The following ZBBX variants were observed in gnomAD, a reference collection of about 807,000 sequenced individuals.
ZBBX encodes zinc finger B-box domain containing, also known as zinc finger B-box domain-containing protein 1.
Under a neutral mutation model 108.5 loss-of-function variants are expected in ZBBX, and 101 were observed. The observed-to-expected ratio is 0.93, with a 90% CI of 0.79 to 1.10. The LOEUF is 1.10. Among genes scored for constraint, ZBBX ranks in the 50% least tolerant of loss-of-function variants. The pLI, the probability that ZBBX is intolerant of heterozygous loss-of-function variation, is 0.00. For missense variants in ZBBX, 1,009 were observed against 941.4 expected, an observed-to-expected ratio of 1.07 and a Z score of -0.94; for synonymous variants, 356 against 323.4, an observed-to-expected ratio of 1.10 and a Z score of -1.08.
chr3:167,318,086 T>G (rs1337796784), intron 12 of ZBBX, among the ~76,000 whole-genome samples: 1 of 151,978 alleles, frequency 6.6e-6, no homozygotes, highest in Non-Finnish European at 1.5e-5. Context: ...GTGGTATCTA[T>G]TACTTAATTA....
At chr3:167,381,609 T>C (rs1577139376), upstream of ZBBX, among the ~76,000 whole-genome samples, 1 of 152,164 alleles carries the variant, frequency 6.6e-6, no homozygotes, top group East Asian at 1.9e-4. Flanking sequence ...GCGATACTAC[T>C]GGTTTTCTTG....
chr3:167,259,133 C>T (rs1383322703), intron 20 of ZBBX, among the ~76,000 whole-genome samples: 3 of 152,038 alleles, frequency 2.0e-5, no homozygotes, highest in African/African-American at 4.8e-5. Flanking sequence ...TTTTAAATTA[C>T]CATTTCAATC....
chr3:167,252,278 G>T, intron 20 of ZBBX: 1 of 991,054 alleles, frequency 1.0e-6, no homozygotes, highest in Non-Finnish European at 1.4e-6. Context: ...ACAGAGATTT[G>T]AACATATTTA....
chr3:167,243,748 C>CTTTTTTTTTTTTT (rs148483655), intron 20 of ZBBX, among the ~76,000 whole-genome samples: 1 of 70,872 alleles, frequency 1.4e-5, no homozygotes, highest in Non-Finnish European at 2.5e-5. Flanking sequence ...GTGGACTTGA[C>CTTTTTTTTTTTTT]TTTTTTTTTT....
chr3:167,265,342 C>T (rs1725277174), intron 20 of ZBBX, among the ~76,000 whole-genome samples: 1 of 152,100 alleles, frequency 6.6e-6, no homozygotes, highest in Admixed American at 6.6e-5. Context: ...GCAGCAGATT[C>T]ACTTTTGGCT....
intron 16 of ZBBX, among the ~76,000 whole-genome samples, chr3:167,307,452 C>G (rs1733845059): frequency 6.6e-6 from 1 of 152,124 alleles, no homozygotes; most frequent in Admixed American, 6.6e-5. Flanking sequence ...TGCAAAATCA[C>G]TAGCATTCTT....
chr3:167,267,430 G>C (rs1036493367), intron 20 of ZBBX, among the ~76,000 whole-genome samples: 1 of 152,136 alleles, frequency 6.6e-6, no homozygotes, highest in African/African-American at 2.4e-5. Context: ...CCCAACATGG[G>C]AAATACCCCA....
chr3:167,183,437 G>T, the ZBBX span, among the ~76,000 whole-genome samples: 1 of 152,194 alleles, frequency 6.6e-6, no homozygotes, highest in African/African-American at 2.4e-5. Context: ...AGACCAGCTC[G>T]ATCAGGGAGA....
chr3:167,338,006 A>G (rs972685088), intron 9 of ZBBX, among the ~76,000 whole-genome samples: 4 of 152,170 alleles, frequency 2.6e-5, no homozygotes, highest in African/African-American at 9.7e-5. Flanking sequence ...AAATGTATAA[A>G]ATTACCTGTG....
intron 18 of ZBBX, among the ~76,000 whole-genome samples, chr3:167,291,252 T>C (rs1382318415): frequency 1.3e-5 from 2 of 151,850 alleles, no homozygotes; most frequent in Non-Finnish European, 2.9e-5. Context: ...TGACACATAA[T>C]CCTCAGATTC....
chr3:167,369,337 C>A (rs1347193262), intron 4 of ZBBX, among the ~76,000 whole-genome samples: 1 of 152,160 alleles, frequency 6.6e-6, no homozygotes, highest in East Asian at 1.9e-4. Flanking sequence ...AGTGTGGGCA[C>A]CCACGCATGC....
At chr3:167,196,901 C>G in the ZBBX span, among the ~76,000 whole-genome samples, 2 of 152,108 alleles carry the variant, frequency 1.3e-5, no homozygotes, top group Non-Finnish European at 2.9e-5. Flanking sequence ...AAAAGAATCC[C>G]TGGTGAAATA....
At chr3:167,313,273 GTGTTT>G (rs1734894798) in intron 16 of ZBBX, among the ~76,000 whole-genome samples, 1 of 151,798 alleles carries the variant, frequency 6.6e-6, no homozygotes, top group African/African-American at 2.4e-5. Flanking sequence ...GCAAGATGAT[GTGTTT>G]TGTTTTGTTT....
chr3:167,252,783 A>G (rs1210781203), intron 20 of ZBBX, among the ~76,000 whole-genome samples: 1 of 152,160 alleles, frequency 6.6e-6, no homozygotes, highest in Non-Finnish European at 1.5e-5. Context: ...AAACTGAAGC[A>G]CATAGGAACA....
Position 167,288,970 on chromosome 3 carries a change from C to A in ZBBX, c.1893G>T (p.Trp631Cys). Residue 631 changes from tryptophan (W) to cysteine (C), a missense_variant, in exon 19 of 22, where the codon TGG (tryptophan) becomes TGT (cysteine). By Grantham distance (215) the Trp-to-Cys change is radical. Coordinates refer to ENST00000675490, the MANE Select transcript of ZBBX (RefSeq NM_001199201.2). ...ATTCACTTAAGCTATGGTCTGGAAT[C>A]CATTCTCTGTCTTCTGAAATTGAAA... ...TRITLAEDRE[W>C]IPDHSLSEYA... The A allele has an allele frequency of 6.5e-7, 1 of 1,532,680 alleles. No individual in the cohort carries two copies. Among genetic ancestry groups the A allele is most frequent in the Non-Finnish European group, 8.8e-7 (1 of 1,136,228 alleles). 94.9% of individuals were successfully genotyped at this position (1,532,680 alleles called of 1,614,324 possible). A position where few individuals can be genotyped will look rare whatever the true frequency, so the allele number is the denominator to read the frequency against.
At chr3:167,354,500 A>C (rs4955616) in intron 8 of ZBBX, among the ~76,000 whole-genome samples, 122,642 of 151,794 alleles carry the variant, frequency 0.81, 49,603 homozygotes, top group East Asian at 0.95. Flanking sequence ...TGAAGAAAAA[A>C]AAACACTATC....
intron 20 of ZBBX, among the ~76,000 whole-genome samples, chr3:167,276,185 TCTC>T (rs1346793205): frequency 2.0e-5 from 3 of 152,028 alleles, no homozygotes; most frequent in African/African-American, 7.3e-5. Flanking sequence ...GCAGAGTGCC[TCTC>T]CTCCTCCAAA....
intron 10 of ZBBX, 44 bp from the exon 11 acceptor site, chr3:167,328,160 AT>A (rs1279073955): frequency 6.5e-7 from 1 of 1,548,194 alleles, no homozygotes. Flanking sequence ...AATTTTCTGT[AT>A]TTACCCACAA....
the ZBBX span, among the ~76,000 whole-genome samples, chr3:167,182,017 C>T: frequency 6.6e-6 from 1 of 152,160 alleles, no homozygotes; most frequent in Non-Finnish European, 1.5e-5. Flanking sequence ...CTTTATTAAA[C>T]TTAGAGTGAC....
Sources: allele counts gnomAD v4.1 joint callset (sites outside exome capture counted in the v4.1 genomes callset), GRCh38; gene constraint gnomAD v4.1.1; transcripts MANE v1.5; gene names NCBI Gene and HGNC (gene_info 2026-07-23, HGNC 2026-07-21).